Variants in MGLL observed in about 807,000 individuals in gnomAD.
The protein encoded by MGLL is lysophospholipase homolog.
Under a neutral mutation model 29.1 loss-of-function variants are expected in MGLL, and 7 were observed. The observed-to-expected ratio is 0.24, with a 90% CI of 0.14 to 0.45. The LOEUF is 0.45. Among genes scored for constraint, MGLL ranks in the 20% least tolerant of loss-of-function variants. The pLI is 0.99. For synonymous variants in MGLL, 148 were observed against 168.3 expected (o/e 0.88, Z 0.93); for missense variants, 356 against 413.6 (o/e 0.86, Z 1.21).
chr3:127,819,847 T>C (rs1576328565), intron 2 of MGLL, among the ~76,000 whole-genome samples: 1 of 152,088 alleles, frequency 6.6e-6, no homozygotes, highest in East Asian at 1.9e-4. Context: ...GCCCCCACCC[T>C]AGGACCCCCA....
intron 3 of MGLL, among the ~76,000 whole-genome samples, chr3:127,725,512 G>A (rs150856084): frequency 5.5e-4 from 84 of 151,892 alleles, no homozygotes; most frequent in Admixed American, 1.6e-3. Context: ...TTTTTACCCC[G>A]GTCCTAAACA....
chr3:127,760,898 G>A (rs146311404), intron 3 of MGLL, among the ~76,000 whole-genome samples: 26 of 152,334 alleles, frequency 1.7e-4, no homozygotes, highest in Admixed American at 1.1e-3. Flanking sequence ...CTCTGCTGCC[G>A]TAGGATTAAA....
At chr3:127,811,408 C>A (rs1303667183) in intron 2 of MGLL, among the ~76,000 whole-genome samples, 1 of 152,200 alleles carries the variant, frequency 6.6e-6, no homozygotes, top group African/African-American at 2.4e-5. Context: ...CTTCTGGGAA[C>A]TTGCTGGAGA....
chr3:127,734,342 G>T (rs148828369), intron 3 of MGLL, among the ~76,000 whole-genome samples: 19 of 152,314 alleles, frequency 1.2e-4, no homozygotes, highest in African/African-American at 4.6e-4. Context: ...GCCATGAGGC[G>T]CCAGGGCACC....
At chr3:127,762,891 T>C (rs2076790830) in intron 3 of MGLL, among the ~76,000 whole-genome samples, 1 of 152,180 alleles carries the variant, frequency 6.6e-6, no homozygotes, top group Non-Finnish European at 1.5e-5. Flanking sequence ...AGACAGGAGA[T>C]GTGATGGGGA....
intron 3 of MGLL, among the ~76,000 whole-genome samples, chr3:127,775,117 A>C (rs2077011625): frequency 6.6e-6 from 1 of 152,126 alleles, no homozygotes. Context: ...CAAGGGGACG[A>C]AGGGAATGAG....
chr3:127,701,735 CGTGT>C (rs2075493209), intron 6 of MGLL, among the ~76,000 whole-genome samples: 1 of 152,174 alleles, frequency 6.6e-6, no homozygotes, highest in African/African-American at 2.4e-5. Context: ...TCCCCGGTCC[CGTGT>C]GTGTCATCCC....
At chr3:127,737,944 G>A (rs1318606637) in intron 3 of MGLL, among the ~76,000 whole-genome samples, 3 of 151,888 alleles carry the variant, frequency 2.0e-5, no homozygotes, top group Admixed American at 1.3e-4. Flanking sequence ...TTCTTAAAAC[G>A]GGCATTAATT....
chr3:127,737,808 C>G (rs1432458386), intron 3 of MGLL, among the ~76,000 whole-genome samples: 1 of 151,588 alleles, frequency 6.6e-6, no homozygotes, highest in Non-Finnish European at 1.5e-5. Context: ...CCACACCTGG[C>G]TAATTTTTTG....
At chr3:127,703,086 G>T (rs57614417) in intron 6 of MGLL, among the ~76,000 whole-genome samples, 233 of 152,264 alleles carry the variant, frequency 1.5e-3, no homozygotes, top group African/African-American at 5.4e-3. Flanking sequence ...GCATAGCCCC[G>T]CCCCACCACT....
chr3:127,775,515 G>A (rs1007274819), intron 3 of MGLL, among the ~76,000 whole-genome samples: 6 of 151,900 alleles, frequency 3.9e-5, no homozygotes, highest in African/African-American at 1.5e-4. Flanking sequence ...ACCCGCCAAG[G>A]AGAACCACGC....
chr3:127,762,897 G>T (rs901595784), intron 3 of MGLL, among the ~76,000 whole-genome samples: 6 of 152,178 alleles, frequency 3.9e-5, no homozygotes, highest in Admixed American at 3.9e-4. Context: ...GAGATGTGAT[G>T]GGGACGCCTC....
chr3:127,761,585 T>C lies in MGLL; in HGVS notation c.262+20204A>G, dbSNP rs903848216. Among the ~76,000 whole-genome samples, 8 of 152,176 alleles carry C rather than the reference T, an allele frequency of 5.3e-5. No homozygotes were observed. Among genetic ancestry groups the C allele is most frequent in the African/African-American group, 1.9e-4 (8 of 41,442 alleles). ...GCCTTCTGTGTGTGTGTCCACGTGT[T>C]CCCCTAAGCGACTGGGCTACACCAG... On this transcript the variant is annotated intron_variant, in intron 3 of 7. Transcript: ENST00000265052. This position sits in a 1 kb window ranked among gnomAD's most constrained non-coding sequence, Gnocchi z 4.6.
rs2075253484 is a variant in MGLL at position 127,691,955 on chromosome 3, G to C, written c.*243C>G. On this transcript the variant is annotated 3_prime_UTR_variant, in exon 8 of 8. Coordinates refer to ENST00000265052, the MANE Select transcript of MGLL (RefSeq NM_007283.7). ...TGGACATTTTAGCACATTCTTTGTGGAAAATCACCTGGGACCTTTCTCTTT... is the reference window on the plus strand; with the variant it reads ...TGGACATTTTAGCACATTCTTTGTGCAAAATCACCTGGGACCTTTCTCTTT... 1 of 550,250 alleles carries C rather than the reference G, an allele frequency of 1.8e-6. No individual in the cohort carries two copies. The highest frequency in any genetic ancestry group is 3.4e-5 in the Admixed American group (1 of 29,350). The allele number at this position is 550,250 out of a possible 1,614,324, so 34.1% of individuals were successfully genotyped here.
chr3:127,818,497 C>T (rs961714987), intron 2 of MGLL, among the ~76,000 whole-genome samples: 6 of 152,016 alleles, frequency 3.9e-5, no homozygotes, highest in African/African-American at 1.5e-4. Context: ...ATGTGTACCA[C>T]GGAACCCAGC....
At chr3:127,737,455 G>T (rs1336258577) in intron 3 of MGLL, among the ~76,000 whole-genome samples, 1 of 149,304 alleles carries the variant, frequency 6.7e-6, no homozygotes, top group African/African-American at 2.5e-5. Context: ...CACAGAGCGG[G>T]GCACACAGGA....
intron 4 of MGLL, 151 bp from the exon 5 acceptor site, chr3:127,721,314 C>A: frequency 1.5e-6 from 1 of 656,012 alleles, no homozygotes; most frequent in Admixed American, 2.5e-5. Flanking sequence ...CAAATGTTGG[C>A]TAAACTAGAT....
At chr3:127,747,727 T>C (rs573036935) in intron 3 of MGLL, among the ~76,000 whole-genome samples, 1 of 152,300 alleles carries the variant, frequency 6.6e-6, no homozygotes, top group East Asian at 1.9e-4. Context: ...CAGGCTCCCT[T>C]GAGACAGGAG....
Position 127,733,247 on chromosome 3 carries a change from G to A in MGLL, c.263-10681C>T, listed in dbSNP as rs111481380. On this transcript the variant is annotated intron_variant, in intron 3 of 7. Transcript: ENST00000265052. ...GACAGTTTACAGATGCCATGGCAAC[G>A]TCAGGAAGTTACCCAGTATAGTCTA... Among the ~76,000 whole-genome samples, 30 of 152,292 alleles carry A rather than the reference G, an allele frequency of 2.0e-4. No individual in the cohort carries two copies. In the East Asian group the frequency reaches 3.1e-3, roughly 16 times the overall value.
Sources: gnomAD v4.1 joint callset for allele counts (sites outside exome capture counted in the v4.1 genomes callset) on GRCh38, gnomAD v4.1.1 for gene constraint, Gnocchi (gnomAD v3.1) non-coding constraint, MANE v1.5 for transcripts, NCBI Gene and HGNC (gene_info 2026-07-23, HGNC 2026-07-21) for gene names.